RBM46: variants seen among roughly 807,000 people sequenced by gnomAD.
RBM46 encodes RNA binding motif protein 46, also known as probable RNA-binding protein 46.
Under a neutral mutation model 43.3 loss-of-function variants are expected in RBM46, and 12 were observed. That is an observed-to-expected ratio of 0.28 (90% CI 0.18 to 0.45). RBM46 has a LOEUF of 0.45. Among genes scored for constraint, RBM46 ranks in the 20% least tolerant of loss-of-function variants. The probability of loss-of-function intolerance (pLI) is 1.00; values close to 1 mark genes in which losing one functional copy is unlikely to be tolerated. For missense variants in RBM46, 412 were observed against 639.1 expected (o/e 0.64, Z 3.83); for synonymous variants, 205 against 207.6 (o/e 0.99, Z 0.11).
Position 154,798,005 on chromosome 4 carries a change from T to G in RBM46, c.346T>G (p.Leu116Val). 2 of 1,613,246 alleles carry G rather than the reference T, an allele frequency of 1.2e-6. No homozygotes were observed. Among genetic ancestry groups the G allele is most frequent in the Non-Finnish European group, 1.7e-6 (2 of 1,179,806 alleles). The change falls in exon 3 of 5, where the codon TTA (leucine) becomes GTA (valine). Residue 116 changes from leucine (L) to valine (V), a missense_variant. Around this residue, in one of 8 missense-constraint regions of RBM46, gnomAD observed 48 missense variants for 78.9 expected, o/e 0.61. Transcript: ENST00000281722. ...VMYTTKEEAQ[L>V]AIRILNNYEI... ...GTACACTACAAAAGAAGAAGCCCAA[T>G]TAGCCATCAGAATTCTTAATAATTA...
intron 1 of RBM46, chr4:154,787,287 A>G (rs1733826304): frequency 6.6e-6 from 1 of 151,042 alleles, no homozygotes; most frequent in Admixed American, 6.6e-5. Flanking sequence ...GCACCCATTA[A>G]CTCGTCATTT....
chr4:154,818,709 CAT>C (rs1735583746), intron 4 of RBM46, among the ~76,000 whole-genome samples: 2 of 152,234 alleles, frequency 1.3e-5, no homozygotes, highest in Admixed American at 6.5e-5. Flanking sequence ...TCCAGCTACA[CAT>C]ATGTTAAACC....
At chr4:154,789,098 A>G (rs1269156147) in intron 1 of RBM46, among the ~76,000 whole-genome samples, 1 of 152,202 alleles carries the variant, frequency 6.6e-6, no homozygotes. Flanking sequence ...GGTTTTACAA[A>G]TATACAATCA....
intron 4 of RBM46, among the ~76,000 whole-genome samples, chr4:154,812,717 C>G (rs1159452730): frequency 6.6e-6 from 1 of 152,156 alleles, no homozygotes; most frequent in Non-Finnish European, 1.5e-5. Context: ...TAATCAAATA[C>G]TCTGAACTCC....
At chr4:154,809,325 T>C (rs1735066333) in intron 4 of RBM46, among the ~76,000 whole-genome samples, 1 of 152,074 alleles carries the variant, frequency 6.6e-6, no homozygotes, top group African/African-American at 2.4e-5. Context: ...CTTGATGATA[T>C]CAGATGCTCT....
chr4:154,790,436 C>G (rs1458959689), intron 1 of RBM46: 2 of 152,158 alleles, frequency 1.3e-5, no homozygotes, highest in South Asian at 4.1e-4. Context: ...TCCATCTGCT[C>G]CACTCACTGA....
rs182776991 is a variant in RBM46, at chr4:154,827,152, G to A, written c.1403-716G>A. Reference sequence around the variant, plus strand: ...TTGATGCATAAGATGAATGTTTATTGTGAAACAGTATTTCAAATGTTATTT... The same window carrying A: ...TTGATGCATAAGATGAATGTTTATTATGAAACAGTATTTCAAATGTTATTT... On this transcript the variant is annotated intron_variant, in intron 4 of 4. Transcript: ENST00000281722. 477 of 930,846 alleles carry A rather than the reference G, an allele frequency of 5.1e-4. 5 individuals are homozygous for A. The African/African-American group carries it at 7.9e-3, about 15-fold the overall frequency. The allele number at this position is 930,846 out of a possible 1,614,324, so 57.7% of individuals were successfully genotyped here. A position where few individuals can be genotyped will look rare whatever the true frequency, so the allele number is the denominator to read the frequency against.
intron 1 of RBM46, among the ~76,000 whole-genome samples, chr4:154,788,616 G>A (rs143323009): frequency 1.5e-4 from 23 of 152,298 alleles, no homozygotes; most frequent in African/African-American, 5.5e-4. Flanking sequence ...GTCAGGTAGC[G>A]TGGTGCGTCC....
intron 4 of RBM46, among the ~76,000 whole-genome samples, chr4:154,801,862 A>G (rs994021339): frequency 6.6e-6 from 1 of 152,176 alleles, no homozygotes; most frequent in East Asian, 1.9e-4. Flanking sequence ...CAGGTACAAT[A>G]TTTTCAACTT....
chr4:154,825,525 T>G (rs536327943), intron 4 of RBM46, among the ~76,000 whole-genome samples: 3 of 152,334 alleles, frequency 2.0e-5, no homozygotes, highest in Admixed American at 6.5e-5. Context: ...TGTTTCCTAA[T>G]CTTTGTTATT....
chr4:154,806,075 C>T (rs1007028242), intron 4 of RBM46, among the ~76,000 whole-genome samples: 1 of 151,854 alleles, frequency 6.6e-6, no homozygotes, highest in Non-Finnish European at 1.5e-5. Context: ...ATTAACTCAA[C>T]TATGTGTCTT....
intron 4 of RBM46, 174 bp from the exon 5 acceptor site, chr4:154,827,694 A>G: frequency 7.0e-7 from 1 of 1,425,970 alleles, no homozygotes. Context: ...AACTCTCAGG[A>G]TTTGCAGTGC....
chr4:154,813,632 T>C (rs1735291052), intron 4 of RBM46, among the ~76,000 whole-genome samples: 1 of 152,058 alleles, frequency 6.6e-6, no homozygotes, highest in Non-Finnish European at 1.5e-5. Flanking sequence ...GCTTCACAAA[T>C]AGGAAATGTC....
chr4:154,797,663 G>C (rs1192364051), intron 2 of RBM46, 148 bp from the exon 3 acceptor site: 1 of 496,332 alleles, frequency 2.0e-6, no homozygotes, highest in Non-Finnish European at 3.5e-6. Flanking sequence ...ATAAGGGAAG[G>C]GGCTTTATTT....
rs370289768 is a variant in RBM46 at position 154,828,271 on chromosome 4, G to A, written c.*204G>A. 1.1e-5 allele frequency: 6 copies of A among 552,508 alleles called. No individual in the cohort carries two copies. Among genetic ancestry groups the A allele is most frequent in the African/African-American group, 5.7e-5 (3 of 52,704 alleles). The allele number at this position is 552,508 out of a possible 1,614,324, so 34.2% of individuals were successfully genotyped here. On this transcript the variant is annotated 3_prime_UTR_variant, in exon 5 of 5. Coordinates refer to ENST00000281722, the MANE Select transcript of RBM46 (RefSeq NM_144979.5). The stretch of plus-strand genomic sequence containing the variant: ...AATGCAAAGTTTAAAAAGTTATTCA[G>A]TGGTTTCTCTTGATAAAGGTACAGC...
chr4:154,827,706 G>A (rs1326914602), intron 4 of RBM46, 162 bp from the exon 5 acceptor site: 3 of 1,447,590 alleles, frequency 2.1e-6, no homozygotes, highest in African/African-American at 2.8e-5. Flanking sequence ...TTGCAGTGCA[G>A]TGAATGCTGA....
At chr4:154,822,153 T>C (rs1483253008) in intron 4 of RBM46, among the ~76,000 whole-genome samples, 1 of 151,778 alleles carries the variant, frequency 6.6e-6, no homozygotes, top group Non-Finnish European at 1.5e-5. Context: ...ACAATTTGGT[T>C]CATTTTGATT....
Position 154,828,106 on chromosome 4 carries a change from TGTA to T in RBM46, c.*43_*45del. ...ATTAGTATGAAAATTTGTGTAAATT[TGTA>T]GTATGAAAACTTGCAAATTAAAATA... On this transcript the variant is annotated 3_prime_UTR_variant, in exon 5 of 5. Coordinates refer to ENST00000281722, the MANE Select transcript of RBM46 (RefSeq NM_144979.5). The T allele has an allele frequency of 1.4e-6, 2 of 1,433,004 alleles. No individual in the cohort carries two copies. The highest frequency in any genetic ancestry group is 2.3e-5 in the East Asian group (1 of 43,994). The allele number at this position is 1,433,004 out of a possible 1,614,324, so 88.8% of individuals were successfully genotyped here.
chr4:154,801,199 G>C (rs2111145276), intron 4 of RBM46, among the ~76,000 whole-genome samples: 1 of 152,104 alleles, frequency 6.6e-6, no homozygotes, highest in Admixed American at 6.5e-5. Flanking sequence ...GGCTGGTCTT[G>C]AACTACTGAC....
Sources: gnomAD v4.1 joint callset for allele counts (sites outside exome capture counted in the v4.1 genomes callset) on GRCh38, gnomAD v4.1.1 for gene constraint, gnomAD v4.1.1 regional missense constraint, MANE v1.5 for transcripts, NCBI Gene and HGNC (gene_info 2026-07-23, HGNC 2026-07-21) for gene names.